The following RAB31 variants were observed in gnomAD, a reference collection of about 807,000 sequenced individuals.
RAB31 encodes the protein RAB31, member RAS oncogene family, also known as ras-related protein Rab-31.
Under a neutral mutation model 25.6 loss-of-function variants are expected in RAB31, and 21 were observed. That is an observed-to-expected ratio of 0.82 (90% CI 0.58 to 1.18). RAB31 has a LOEUF of 1.18. Among genes scored for constraint, RAB31 ranks in the 50% most tolerant of loss-of-function variants. RAB31 has a pLI of 0.00. For synonymous variants in RAB31, 87 were observed against 84.0 expected (o/e 1.04, Z -0.20); for missense variants, 196 against 250.1 (o/e 0.78, Z 1.46).
chr18:9,797,926 T>C (rs991994718), intron 3 of RAB31, among the ~76,000 whole-genome samples: 1 of 152,234 alleles, frequency 6.6e-6, no homozygotes, highest in Admixed American at 6.5e-5. Flanking sequence ...TATTGTAGTT[T>C]GTAGTTTGTT....
chr18:9,836,411 A>T (rs1166429980), intron 5 of RAB31, among the ~76,000 whole-genome samples: 1 of 152,212 alleles, frequency 6.6e-6, no homozygotes, highest in Non-Finnish European at 1.5e-5. Context: ...ATTTAACTGT[A>T]AAATGGTGCC....
chr18:9,766,215 C>T lies in RAB31; in HGVS notation c.40-9063C>T, dbSNP rs34193578. Among the ~76,000 whole-genome samples, 7,382 of 152,212 alleles carry T rather than the reference C, an allele frequency of 0.048. 324 individuals are homozygous for T. Among genetic ancestry groups the T allele is most frequent in the South Asian group, 0.13 (606 of 4,826 alleles). ...GGCCTGGATTGCTAAGGCCAGGGCC[C>T]GGGAGCTGGGCTCTCACTCTTTCCA... On this transcript the variant is annotated intron_variant, in intron 1 of 6. Coordinates refer to ENST00000578921, the MANE Select transcript of RAB31 (RefSeq NM_006868.4). This position sits in a 1 kb window ranked among gnomAD's most constrained non-coding sequence, Gnocchi z 4.3.
chr18:9,754,559 C>T (rs780053962), intron 1 of RAB31, among the ~76,000 whole-genome samples: 8 of 152,146 alleles, frequency 5.3e-5, no homozygotes, highest in Non-Finnish European at 8.8e-5. Flanking sequence ...AGATTACAGG[C>T]GTGAGTCACT....
At chr18:9,768,474 TG>T (rs1190047836) in intron 1 of RAB31, among the ~76,000 whole-genome samples, 5 of 152,256 alleles carry the variant, frequency 3.3e-5, no homozygotes, top group African/African-American at 1.2e-4. Context: ...TTTTTCCATA[TG>T]TTTTTTGGCC....
At chr18:9,843,478 G>A (rs1266699854) in intron 5 of RAB31, among the ~76,000 whole-genome samples, 1 of 150,392 alleles carries the variant, frequency 6.6e-6, no homozygotes, top group African/African-American at 2.5e-5. Context: ...CCCGGGAGGC[G>A]GAGGTTGCAG....
At chr18:9,854,821 T>C (rs1599069131) in intron 6 of RAB31, among the ~76,000 whole-genome samples, 1 of 152,150 alleles carries the variant, frequency 6.6e-6, no homozygotes, top group East Asian at 1.9e-4. Context: ...AGGCTAAAGG[T>C]CATTATCAAG....
chr18:9,839,314 CAG>C (rs1251219210), intron 5 of RAB31, among the ~76,000 whole-genome samples: 1 of 152,144 alleles, frequency 6.6e-6, no homozygotes, highest in Non-Finnish European at 1.5e-5. Context: ...CGGGGGCAAA[CAG>C]GGGAAGAGTA....
chr18:9,729,213 A>C (rs10468800), intron 1 of RAB31, among the ~76,000 whole-genome samples: 14,297 of 152,190 alleles, frequency 0.094, 952 homozygotes, highest in East Asian at 0.34. Context: ...TGTCTTGCTT[A>C]GAAAATCCTT....
chr18:9,859,411 C>A lies in RAB31; in HGVS notation c.*86C>A. On this transcript the variant is annotated 3_prime_UTR_variant, in exon 7 of 7. Coordinates refer to ENST00000578921, the MANE Select transcript of RAB31 (RefSeq NM_006868.4). ...AAGGACCCTACGCTCGGTGGCCTGGCACCTCACTTTGAGAAGAGTGAGCAC... is the reference window on the plus strand; with the variant it reads ...AAGGACCCTACGCTCGGTGGCCTGGAACCTCACTTTGAGAAGAGTGAGCAC... 1.7e-6 allele frequency: 2 copies of A among 1,207,552 alleles called. No homozygotes were observed. Among genetic ancestry groups the A allele is most frequent in the Non-Finnish European group, 2.4e-6 (2 of 843,334 alleles). The allele number at this position is 1,207,552 out of a possible 1,614,324, so 74.8% of individuals were successfully genotyped here. A position where few individuals can be genotyped will look rare whatever the true frequency, so the allele number is the denominator to read the frequency against.
intron 2 of RAB31, among the ~76,000 whole-genome samples, chr18:9,780,737 C>G (rs1189349478): frequency 1.3e-5 from 2 of 152,154 alleles, no homozygotes; most frequent in Non-Finnish European, 2.9e-5. Flanking sequence ...TCAAGACCAG[C>G]CTGGCCAACA....
chr18:9,754,814 G>C (rs2068252842), intron 1 of RAB31, among the ~76,000 whole-genome samples: 2 of 152,306 alleles, frequency 1.3e-5, no homozygotes, highest in African/African-American at 2.4e-5. Context: ...AGGGACAACT[G>C]TATGTACTGT....
intron 1 of RAB31, among the ~76,000 whole-genome samples, chr18:9,720,647 T>C (rs981103015): frequency 6.7e-6 from 1 of 149,492 alleles, no homozygotes; most frequent in South Asian, 2.1e-4. Flanking sequence ...GTGCGGGGGG[T>C]AGATTTGGGC....
chr18:9,729,607 C>T (rs768754382), intron 1 of RAB31, among the ~76,000 whole-genome samples: 15 of 151,992 alleles, frequency 9.9e-5, no homozygotes, highest in Non-Finnish European at 1.8e-4. Flanking sequence ...TATTTGAGCA[C>T]GTGGATTTTG....
Position 9,813,113 on chromosome 18 carries a change from C to T in RAB31, c.202-907C>T, listed in dbSNP as rs535789022. On this transcript the variant is annotated intron_variant, in intron 3 of 6. Coordinates refer to ENST00000578921, the MANE Select transcript of RAB31 (RefSeq NM_006868.4). ...ATGACCTCTCCTGTCTGGGGATGAA[C>T]GATGCTAGTGACCAGCAGCACTTGC... is the stretch of plus-strand genomic sequence containing the variant. Among the ~76,000 whole-genome samples, 6 of 152,268 alleles carry T rather than the reference C, an allele frequency of 3.9e-5. No homozygotes were observed. In the East Asian group the frequency reaches 7.7e-4, roughly 20 times the overall value.
chr18:9,817,301 G>T (rs1260709974), intron 5 of RAB31, among the ~76,000 whole-genome samples: 1 of 152,160 alleles, frequency 6.6e-6, no homozygotes, highest in African/African-American at 2.4e-5. Context: ...AATTTAAGCA[G>T]AAAACGATTT....
At chr18:9,825,681 C>T (rs535399703) in intron 5 of RAB31, among the ~76,000 whole-genome samples, 3 of 152,104 alleles carry the variant, frequency 2.0e-5, no homozygotes, top group Non-Finnish European at 2.9e-5. Flanking sequence ...TGAGGAAGTC[C>T]CAGAATCTAT....
At chr18:9,813,360 T>C (rs984110539) in intron 3 of RAB31, among the ~76,000 whole-genome samples, 1 of 152,214 alleles carries the variant, frequency 6.6e-6, no homozygotes, top group Non-Finnish European at 1.5e-5. Flanking sequence ...TTTCCTTTAC[T>C]GCCGCATAAT....
intron 1 of RAB31, among the ~76,000 whole-genome samples, chr18:9,713,953 C>T (rs748264913): frequency 2.0e-5 from 3 of 152,190 alleles, no homozygotes; most frequent in Non-Finnish European, 4.4e-5. Flanking sequence ...CTAAGCACCT[C>T]CCAAAGGCCC....
chr18:9,825,308 T>C (rs2068644381), intron 5 of RAB31, among the ~76,000 whole-genome samples: 2 of 152,136 alleles, frequency 1.3e-5, no homozygotes, highest in Non-Finnish European at 2.9e-5. Context: ...GGACAGCAGA[T>C]TGGCCTAGGG....
Sources: allele counts gnomAD v4.1 joint callset (sites outside exome capture counted in the v4.1 genomes callset), GRCh38; gene constraint gnomAD v4.1.1; non-coding constraint Gnocchi (gnomAD v3.1); transcripts MANE v1.5; gene names NCBI Gene and HGNC (gene_info 2026-07-23, HGNC 2026-07-21).